Variants in RIMS1 observed in about 807,000 individuals in gnomAD.
The protein encoded by RIMS1 is regulating synaptic membrane exocytosis 1.
RIMS1 carries 83 observed loss-of-function variants against 214.1 expected under a neutral mutation model. The observed-to-expected ratio is 0.39, with a 90% CI of 0.32 to 0.47. The LOEUF is 0.47. Ranked by LOEUF, RIMS1 falls within the 20% of genes least tolerant of loss-of-function variation. The pLI is 0.99. For missense variants in RIMS1, 2,050 were observed against 2,161.8 expected, an observed-to-expected ratio of 0.95 and a Z score of 1.03; for synonymous variants, 793 against 786.8, an observed-to-expected ratio of 1.01 and a Z score of -0.13.
chr6:71,977,139 C>A (rs541471735), intron 2 of RIMS1, among the ~76,000 whole-genome samples: 17 of 152,254 alleles, frequency 1.1e-4, no homozygotes, highest in South Asian at 1.0e-3. Context: ...ACATCCCCAT[C>A]ATGAATATAA....
intron 28 of RIMS1, among the ~76,000 whole-genome samples, chr6:72,322,805 G>C (rs1274882943): frequency 1.3e-5 from 2 of 152,108 alleles, no homozygotes; most frequent in South Asian, 2.1e-4. Context: ...TTACTAGGCT[G>C]AGAAAATAAA....
intron 6 of RIMS1, among the ~76,000 whole-genome samples, chr6:72,226,701 C>A (rs1354085772): frequency 6.6e-6 from 1 of 151,890 alleles, no homozygotes; most frequent in African/African-American, 2.4e-5. Flanking sequence ...ATATCTTGAA[C>A]AATCTGGCCA....
intron 29 of RIMS1, among the ~76,000 whole-genome samples, chr6:72,359,669 A>G (rs529331346): frequency 7.9e-5 from 12 of 152,308 alleles, no homozygotes; most frequent in Admixed American, 6.5e-4. Flanking sequence ...TGACTACTAT[A>G]TTTTGATGTG....
chr6:72,073,284 C>T (rs970683670), intron 2 of RIMS1, among the ~76,000 whole-genome samples: 1 of 152,152 alleles, frequency 6.6e-6, no homozygotes, highest in Non-Finnish European at 1.5e-5. Flanking sequence ...TTGTATGAAT[C>T]CGTATTGGCT....
chr6:72,003,596 T>G (rs563096592), intron 2 of RIMS1, among the ~76,000 whole-genome samples: 1 of 151,886 alleles, frequency 6.6e-6, no homozygotes. Context: ...ACAATTTTGC[T>G]TGCAGGTGTG....
intron 29 of RIMS1, among the ~76,000 whole-genome samples, chr6:72,361,560 G>A (rs534797272): frequency 6.6e-6 from 1 of 152,288 alleles, no homozygotes; most frequent in East Asian, 1.9e-4. Context: ...TGTGTTATGA[G>A]CTTGGCACAA....
chr6:72,091,253 C>T (rs1338334001), intron 2 of RIMS1, among the ~76,000 whole-genome samples: 1 of 152,176 alleles, frequency 6.6e-6, no homozygotes, highest in Non-Finnish European at 1.5e-5. Flanking sequence ...TCCATCCTTT[C>T]CTCCTCTGGA....
intron 2 of RIMS1, among the ~76,000 whole-genome samples, chr6:72,067,713 A>T (rs1829648498): frequency 6.6e-6 from 1 of 152,158 alleles, no homozygotes; most frequent in Admixed American, 6.5e-5. Context: ...CACATGGCAG[A>T]TTTGCAATAT....
chr6:72,221,226 C>T (rs2037829), intron 6 of RIMS1, among the ~76,000 whole-genome samples: 107,018 of 151,680 alleles, frequency 0.71, 38,622 homozygotes, highest in East Asian at 0.98. Flanking sequence ...TCCATATGTG[C>T]GATCTAAAAT....
At chr6:71,971,822 T>C (rs562319777) in intron 2 of RIMS1, among the ~76,000 whole-genome samples, 5 of 152,232 alleles carry the variant, frequency 3.3e-5, no homozygotes, top group Non-Finnish European at 7.4e-5. Flanking sequence ...CATGATTCAA[T>C]TACCTCCCAC....
At chr6:72,191,477 A>G (rs1178195710) in intron 6 of RIMS1, among the ~76,000 whole-genome samples, 1 of 152,254 alleles carries the variant, frequency 6.6e-6, no homozygotes, top group Non-Finnish European at 1.5e-5. Flanking sequence ...GGATCCAATC[A>G]GCATAATGTC....
At chr6:72,390,895 C>T in intron 30 of RIMS1, 159 bp downstream of exon 30, 1 of 698,306 alleles carries the variant, frequency 1.4e-6, no homozygotes, top group Non-Finnish European at 2.3e-6. Flanking sequence ...AGTAAGTACA[C>T]ATGGACACAC....
At chr6:72,322,481 G>A (rs1273314208) in intron 28 of RIMS1, among the ~76,000 whole-genome samples, 1 of 151,992 alleles carries the variant, frequency 6.6e-6, no homozygotes, top group Non-Finnish European at 1.5e-5. Context: ...TCAAAAATAA[G>A]CAATAATATT....
chr6:71,915,726 G>T (rs995653622), intron 1 of RIMS1, among the ~76,000 whole-genome samples: 2 of 152,108 alleles, frequency 1.3e-5, no homozygotes, highest in African/African-American at 4.8e-5. Context: ...CAGACACATA[G>T]TGAGTACTTG....
chr6:72,097,185 G>A (rs767200347), intron 3 of RIMS1, 23 bp downstream of exon 3: 4 of 1,602,560 alleles, frequency 2.5e-6, no homozygotes, highest in East Asian at 2.2e-5. Flanking sequence ...TGAACATAAG[G>A]GGCGTTGTGA....
intron 2 of RIMS1, among the ~76,000 whole-genome samples, chr6:72,038,090 C>CAAAAAA (rs869130217): frequency 3.6e-4 from 8 of 22,238 alleles, no homozygotes; most frequent in Admixed American, 1.1e-3. Flanking sequence ...AACAAACAAG[C>CAAAAAA]AAAAAAAAAA....
At chr6:72,068,772 G>A (rs1189104044) in intron 2 of RIMS1, among the ~76,000 whole-genome samples, 5 of 152,008 alleles carry the variant, frequency 3.3e-5, no homozygotes, top group Non-Finnish European at 7.4e-5. Context: ...TTAGCTGGGC[G>A]TGGTGGCGGG....
chr6:71,991,270 A>G (rs1282144330), intron 2 of RIMS1, among the ~76,000 whole-genome samples: 1 of 152,198 alleles, frequency 6.6e-6, no homozygotes, highest in African/African-American at 2.4e-5. Context: ...AATTAAAAAA[A>G]AAAACTTTAG....
chr6:72,030,995 C>G (rs1817946014), intron 2 of RIMS1, among the ~76,000 whole-genome samples: 1 of 152,168 alleles, frequency 6.6e-6, no homozygotes, highest in Non-Finnish European at 1.5e-5. Flanking sequence ...TCTAACAAAT[C>G]TCATGTGAAG....
Sources: gnomAD v4.1 joint callset for allele counts (sites outside exome capture counted in the v4.1 genomes callset) on GRCh38, gnomAD v4.1.1 for gene constraint, MANE v1.5 for transcripts, NCBI Gene and HGNC (gene_info 2026-07-23, HGNC 2026-07-21) for gene names.